Variants in SLC8A1 observed in about 807,000 individuals in gnomAD.
SLC8A1 encodes the protein solute carrier family 8 member A1.
Under a neutral mutation model 68.3 loss-of-function variants are expected in SLC8A1, and 18 were observed. The observed-to-expected ratio is 0.26, with a 90% CI of 0.18 to 0.39. The LOEUF is 0.39. Among genes scored for constraint, SLC8A1 ranks in the 10% least tolerant of loss-of-function variants. SLC8A1 has a pLI of 1.00. For missense variants in SLC8A1, 985 were observed against 1,156.7 expected (o/e 0.85, Z 2.15); for synonymous variants, 475 against 415.5 (o/e 1.14, Z -1.74).
At chr2:40,313,080 A>G (rs2073956571) in intron 2 of SLC8A1, among the ~76,000 whole-genome samples, 1 of 152,046 alleles carries the variant, frequency 6.6e-6, no homozygotes, top group African/African-American at 2.4e-5. Context: ...ATTACCCCCC[A>G]AAGTTCTCTT....
At chr2:40,105,242 A>C (rs1202869139) in exon 8 of SLC8A1, 1 of 152,226 alleles carries the variant, frequency 6.6e-6, no homozygotes, top group African/African-American at 2.4e-5. Context: ...AGAGTCTGAC[A>C]AAAGCTCTGC....
chr2:40,246,388 A>G (rs2061868365), intron 2 of SLC8A1, among the ~76,000 whole-genome samples: 1 of 152,222 alleles, frequency 6.6e-6, no homozygotes, highest in Non-Finnish European at 1.5e-5. Flanking sequence ...AAATAGGGCA[A>G]CTAAATTTTT....
rs577138830 is a variant in SLC8A1 at position 40,399,303 on chromosome 2, TCTACCCCTCGTCTCCC to T, written c.1808+29154_1808+29169del. 2.2e-3 allele frequency among the ~76,000 whole-genome samples: 337 copies of T among 151,888 alleles called. 1 individual carries two copies. Among genetic ancestry groups the T allele is most frequent in the Non-Finnish European group, 3.7e-3 (248 of 67,908 alleles). ...CTGACACTGTTTTGTGAGGGCCTCC[TCTACCCCTCGTCTCCC>T]CTACCCCTCGTCTCCCCTTTTTCAC... is the stretch of plus-strand genomic sequence containing the variant. On this transcript the variant is annotated intron_variant, in intron 2 of 7. Transcript: ENST00000406785.
At chr2:40,161,544 A>G (rs2045689954) in intron 5 of SLC8A1, among the ~76,000 whole-genome samples, 1 of 152,164 alleles carries the variant, frequency 6.6e-6, no homozygotes, top group African/African-American at 2.4e-5. Context: ...CTTTACTGGC[A>G]CTGTGCTGCA....
intron 2 of SLC8A1, among the ~76,000 whole-genome samples, chr2:40,425,140 G>A (rs1696517863): frequency 6.6e-6 from 1 of 151,876 alleles, no homozygotes. Flanking sequence ...AAAAAAGCAT[G>A]TGCTAGCTGT....
intron 7 of SLC8A1, among the ~76,000 whole-genome samples, chr2:40,132,687 TA>T (rs755283188): frequency 3.9e-4 from 59 of 152,210 alleles, no homozygotes; most frequent in Admixed American, 4.6e-4. Context: ...CTAAAAATAA[TA>T]TAATGTTTTG....
At chr2:40,285,850 C>A (rs2068218796) in intron 2 of SLC8A1, among the ~76,000 whole-genome samples, 2 of 152,208 alleles carry the variant, frequency 1.3e-5, no homozygotes, top group Non-Finnish European at 2.9e-5. Flanking sequence ...ATAGATAGAA[C>A]TTTGTGCTTG....
chr2:40,385,056 A>G (rs1683119259), intron 2 of SLC8A1, among the ~76,000 whole-genome samples: 1 of 152,102 alleles, frequency 6.6e-6, no homozygotes, highest in South Asian at 2.1e-4. Flanking sequence ...ATCATAAATG[A>G]CATGCCACTA....
chr2:40,144,546 G>A (rs1331049635), intron 6 of SLC8A1, among the ~76,000 whole-genome samples: 1 of 151,868 alleles, frequency 6.6e-6, no homozygotes, highest in Non-Finnish European at 1.5e-5. Flanking sequence ...TTAATGCCTA[G>A]TGTTATATAG....
At chr2:40,312,519 G>A (rs1014260912) in intron 2 of SLC8A1, among the ~76,000 whole-genome samples, 7 of 151,890 alleles carry the variant, frequency 4.6e-5, no homozygotes, top group Non-Finnish European at 1.0e-4. Flanking sequence ...AAAGTATAAA[G>A]GGTTTTAGAT....
chr2:40,482,813 C>T (rs796325141), intron 1 of SLC8A1, among the ~76,000 whole-genome samples: 2 of 132,946 alleles, frequency 1.5e-5, no homozygotes, highest in African/African-American at 5.8e-5. Context: ...TTTTTTGAGA[C>T]GGAATCTCGC....
At chr2:40,137,741 T>C (rs2040790800) in intron 7 of SLC8A1, among the ~76,000 whole-genome samples, 1 of 152,088 alleles carries the variant, frequency 6.6e-6, no homozygotes, top group Non-Finnish European at 1.5e-5. Flanking sequence ...GGGAGTCTGC[T>C]CTTCTGTAAG....
intron 7 of SLC8A1, chr2:40,116,953 C>G (rs2035577879): frequency 6.6e-6 from 1 of 152,314 alleles, no homozygotes; most frequent in Non-Finnish European, 1.5e-5. Context: ...CTGTGTGACT[C>G]TGGAAGATTA....
At chr2:40,365,293 C>T (rs1218956408) in intron 2 of SLC8A1, among the ~76,000 whole-genome samples, 1 of 151,966 alleles carries the variant, frequency 6.6e-6, no homozygotes, top group East Asian at 1.9e-4. Context: ...ATCAGCTATA[C>T]ATTGACATAT....
intron 2 of SLC8A1, among the ~76,000 whole-genome samples, chr2:40,234,336 T>A (rs1180356174): frequency 1.3e-5 from 2 of 151,912 alleles, no homozygotes; most frequent in African/African-American, 4.8e-5. Flanking sequence ...GTTGGATTCC[T>A]AGGTATTTTA....
chr2:40,369,834 A>C (rs1677456678), intron 2 of SLC8A1, among the ~76,000 whole-genome samples: 1 of 152,016 alleles, frequency 6.6e-6, no homozygotes, highest in South Asian at 2.1e-4. Context: ...ACCATGAAAA[A>C]GAATTTCCTA....
At chr2:40,455,525 A>G (rs1463621880), upstream of SLC8A1, among the ~76,000 whole-genome samples, 2 of 151,034 alleles carry the variant, frequency 1.3e-5, no homozygotes, top group Non-Finnish European at 3.0e-5. Flanking sequence ...GCTCAGTTTC[A>G]TAGTGATTTC....
chr2:40,296,484 G>A (rs1397871397), intron 2 of SLC8A1, among the ~76,000 whole-genome samples: 1 of 152,094 alleles, frequency 6.6e-6, no homozygotes, highest in Non-Finnish European at 1.5e-5. Flanking sequence ...ATAGGGAACT[G>A]GGCATAATTG....
intron 6 of SLC8A1, among the ~76,000 whole-genome samples, chr2:40,144,629 A>T (rs2042126630): frequency 6.6e-6 from 1 of 151,932 alleles, no homozygotes; most frequent in Non-Finnish European, 1.5e-5. Flanking sequence ...GTATTCTAAT[A>T]CTTTCTAGAT....
Sources: gnomAD v4.1 joint callset for allele counts (sites outside exome capture counted in the v4.1 genomes callset) on GRCh38, gnomAD v4.1.1 for gene constraint, MANE v1.5 for transcripts, NCBI Gene and HGNC (gene_info 2026-07-23, HGNC 2026-07-21) for gene names.